FARP1: variants seen among roughly 807,000 people sequenced by gnomAD.
FARP1 encodes FERM, ARHGEF and pleckstrin domain-containing protein 1.
FARP1 carries 52 observed loss-of-function variants against 128.8 expected under a neutral mutation model. That is an observed-to-expected ratio of 0.40 (90% CI 0.32 to 0.51). The LOEUF (loss-of-function observed/expected upper bound fraction) is 0.51, where lower values mean the gene tolerates loss of function less well. Among genes scored for constraint, FARP1 ranks in the 20% least tolerant of loss-of-function variants. The pLI is 0.45. For missense variants in FARP1, 1,333 were observed against 1,367.9 expected, an observed-to-expected ratio of 0.97 and a Z score of 0.40; for synonymous variants, 580 against 551.8, an observed-to-expected ratio of 1.05 and a Z score of -0.72.
At chr13:98,392,603 CT>C (rs1172477545) in intron 11 of FARP1, among the ~76,000 whole-genome samples, 9 of 151,602 alleles carry the variant, frequency 5.9e-5, no homozygotes, top group Admixed American at 4.6e-4. Context: ...TTAATACTAC[CT>C]TTTTTTTGAG....
chr13:98,310,861 C>T (rs1886427669), intron 2 of FARP1, among the ~76,000 whole-genome samples: 1 of 152,180 alleles, frequency 6.6e-6, no homozygotes, highest in Non-Finnish European at 1.5e-5. Flanking sequence ...TGCCCCCTTG[C>T]AGAGAGAAGC....
intron 2 of FARP1, among the ~76,000 whole-genome samples, chr13:98,284,229 T>C (rs936191464): frequency 5.3e-5 from 8 of 152,204 alleles, no homozygotes; most frequent in African/African-American, 1.9e-4. Flanking sequence ...GTGTATATTA[T>C]GTGTGGCCCA....
At chr13:98,342,488 C>T (rs1279022044) in intron 2 of FARP1, among the ~76,000 whole-genome samples, 6 of 147,022 alleles carry the variant, frequency 4.1e-5, no homozygotes, top group Non-Finnish European at 9.0e-5. Context: ...CACCTGAAGT[C>T]AGGAGTTCGA....
chr13:98,329,758 A>T (rs1887407835), intron 2 of FARP1: 1 of 152,164 alleles, frequency 6.6e-6, no homozygotes, highest in Non-Finnish European at 1.5e-5. Context: ...TCTCCATGGG[A>T]ATTATGGTTT....
rs371664583 is a variant in FARP1, at chr13:98,448,804, A to AT, written c.*497dup. On this transcript the variant is annotated 3_prime_UTR_variant, in exon 27 of 27. Transcript: ENST00000319562. ...GCAAATGAGATCATTTTCAGATTTCATTTTTTTTTTCAGTCTTTCTACTTT... is the reference window on the plus strand; with the variant it reads ...GCAAATGAGATCATTTTCAGATTTCATTTTTTTTTTTCAGTCTTTCTACTTT... The AT allele has an allele frequency of 0.057, 4,561 of 80,126 alleles. 195 individuals are homozygous for AT. Among genetic ancestry groups the AT allele is most frequent in the African/African-American group, 0.12 (4,201 of 34,156 alleles). The allele number at this position is 80,126 out of a possible 1,614,324, so 5.0% of individuals were successfully genotyped here. A position where few individuals can be genotyped will look rare whatever the true frequency, so the allele number is the denominator to read the frequency against.
At chr13:98,398,328 A>G (rs1005432020) in intron 13 of FARP1, 1 of 152,214 alleles carries the variant, frequency 6.6e-6, no homozygotes, top group Non-Finnish European at 1.5e-5. Flanking sequence ...CTTTGAATTT[A>G]TATATTTAAC....
intron 14 of FARP1, 60 bp downstream of exon 14, chr13:98,409,585 T>C (rs1183786764): frequency 7.0e-7 from 1 of 1,432,680 alleles, no homozygotes; most frequent in African/African-American, 1.4e-5. Flanking sequence ...TTTGTGTGAA[T>C]TTTAAAAATT....
At chr13:98,214,048 GGGCCGGA>G (rs1566750212) in intron 2 of FARP1, among the ~76,000 whole-genome samples, 1 of 152,184 alleles carries the variant, frequency 6.6e-6, no homozygotes. Flanking sequence ...AGCAGCCTGG[GGGCCGGA>G]GGTGTCACAG....
At chr13:98,229,434 A>G (rs576916498) in intron 2 of FARP1, among the ~76,000 whole-genome samples, 2 of 152,200 alleles carry the variant, frequency 1.3e-5, no homozygotes, top group South Asian at 2.1e-4. Flanking sequence ...CTGAGTAACA[A>G]TGTAAAATAT....
Position 98,452,897 on chromosome 13 carries a change from A to T in FARP1, c.*4580A>T. 2.8e-6 allele frequency: 1 copy of T among 353,272 alleles called. No homozygotes were observed. The highest frequency in any genetic ancestry group is 5.1e-6 in the Non-Finnish European group (1 of 197,400). The allele number at this position is 353,272 out of a possible 1,614,324, so 21.9% of individuals were successfully genotyped here. A position where few individuals can be genotyped will look rare whatever the true frequency, so the allele number is the denominator to read the frequency against. Reference sequence around the variant, plus strand: ...TTTGTTTTTAAAGACACTTTCCTGGAATATGTGCACTATGGTTAAAATTAA... The same window carrying T: ...TTTGTTTTTAAAGACACTTTCCTGGTATATGTGCACTATGGTTAAAATTAA... On this transcript the variant is annotated 3_prime_UTR_variant, in exon 27 of 27. Coordinates refer to ENST00000319562, the MANE Select transcript of FARP1 (RefSeq NM_005766.4).
chr13:98,289,124 T>C (rs1885334195), intron 2 of FARP1, among the ~76,000 whole-genome samples: 1 of 152,174 alleles, frequency 6.6e-6, no homozygotes, highest in Non-Finnish European at 1.5e-5. Flanking sequence ...AAAATGTACT[T>C]TTGGGCTGAA....
intron 1 of FARP1, among the ~76,000 whole-genome samples, chr13:98,156,638 C>G (rs1219048542): frequency 6.6e-6 from 1 of 152,156 alleles, no homozygotes; most frequent in Non-Finnish European, 1.5e-5. Context: ...GAACTCCTGG[C>G]ATCAAGCGAT....
At chr13:98,380,228 C>A (rs1405933482) in intron 6 of FARP1, among the ~76,000 whole-genome samples, 1 of 152,020 alleles carries the variant, frequency 6.6e-6, no homozygotes, top group Admixed American at 6.5e-5. Flanking sequence ...GGGCGGATCA[C>A]TTGAGGTCAG....
chr13:98,343,212 C>G (rs1888043657), intron 2 of FARP1, among the ~76,000 whole-genome samples: 1 of 152,074 alleles, frequency 6.6e-6, no homozygotes, highest in Admixed American at 6.6e-5. Context: ...GGAGGAATAG[C>G]TGGAACACAG....
Position 98,438,845 on chromosome 13 carries a change from G to A in FARP1, c.2316G>A (p.Lys772=). The change falls in exon 20 of 27, where the codon AAG becomes AAA. Residue 772 remains lysine (K), a synonymous_variant. Transcript: ENST00000319562. ...RLGSLSKLSG[K]GLQQRMFFLF... ...GCAGCCTCAGCAAGCTCTCGGGGAA[G>A]GGGCTCCAGCAGCGCATGTTCTTCC... 6.2e-7 allele frequency: 1 copy of A among 1,613,538 alleles called. No individual in the cohort carries two copies. The highest frequency in any genetic ancestry group is 8.5e-7 in the Non-Finnish European group (1 of 1,179,994).
chr13:98,160,591 G>T (rs1876810370), intron 1 of FARP1, among the ~76,000 whole-genome samples: 1 of 152,140 alleles, frequency 6.6e-6, no homozygotes, highest in Non-Finnish European at 1.5e-5. Context: ...ACAGACACCT[G>T]TTGTTAACGA....
At chr13:98,412,591 A>G (rs538982287) in intron 16 of FARP1, among the ~76,000 whole-genome samples, 98 of 152,398 alleles carry the variant, frequency 6.4e-4, no homozygotes, top group South Asian at 1.2e-3. Flanking sequence ...TGAATAATTA[A>G]AATAATAGAA....
At chr13:98,191,060 G>A (rs76446380) in intron 1 of FARP1, among the ~76,000 whole-genome samples, 2,557 of 152,236 alleles carry the variant, frequency 0.017, 34 homozygotes, top group Middle Eastern at 0.041. Flanking sequence ...GACACGCAAC[G>A]TGGCCAGGAC....
intron 13 of FARP1, chr13:98,396,144 G>A (rs896601069): frequency 2.5e-6 from 1 of 399,272 alleles, no homozygotes; most frequent in Non-Finnish European, 4.4e-6. Flanking sequence ...GTGGCCGTGG[G>A]AAGTGGGGGC....
Sources: allele counts gnomAD v4.1 joint callset (sites outside exome capture counted in the v4.1 genomes callset), GRCh38; gene constraint gnomAD v4.1.1; transcripts MANE v1.5; gene names NCBI Gene and HGNC (gene_info 2026-07-23, HGNC 2026-07-21).